OTUD7B: variants seen among roughly 807,000 people sequenced by gnomAD.
The protein encoded by OTUD7B is OTU deubiquitinase 7B.
In OTUD7B, 34 loss-of-function variants were observed where a neutral mutation model predicts 82.2. The observed-to-expected ratio is 0.41, with a 90% confidence interval of 0.31 to 0.55. The LOEUF (loss-of-function observed/expected upper bound fraction) is 0.55, where lower values mean the gene tolerates loss of function less well. Among genes scored for constraint, OTUD7B ranks in the 20% least tolerant of loss-of-function variants. OTUD7B has a pLI of 0.20. For synonymous variants in OTUD7B, 398 were observed against 402.7 expected (o/e 0.99, Z 0.14); for missense variants, 944 against 1,062.1 (o/e 0.89, Z 1.55).
intron 5 of OTUD7B, among the ~76,000 whole-genome samples, chr1:149,964,595 T>A (rs1280856525): frequency 6.6e-6 from 1 of 151,850 alleles, no homozygotes; most frequent in East Asian, 1.9e-4. Context: ...TTATGGGTTT[T>A]TTTGGTTGGT....
Position 149,938,782 on chromosome 1 carries a change from T to TAAA in OTUD7B, c.*5074_*5075insTTT, listed in dbSNP as rs2092743839. The TAAA allele has an allele frequency of 4.5e-4, 2 of 4,432 alleles. No individual in the cohort carries two copies. Among genetic ancestry groups the TAAA allele is most frequent in the African/African-American group, 1.6e-3 (2 of 1,222 alleles). 0.3% of individuals were successfully genotyped at this position (4,432 alleles called of 1,614,324 possible). A position where few individuals can be genotyped will look rare whatever the true frequency, so the allele number is the denominator to read the frequency against. ...CTAAAAAAAAAAAAAAAAAAAAAAA[T>TAAA]TAAGCCAGGCATGGTGGTAGGCTCC... On this transcript the variant is annotated 3_prime_UTR_variant, in exon 12 of 12. Coordinates refer to ENST00000581312, the MANE Select transcript of OTUD7B (RefSeq NM_020205.4).
rs1553771405 is a variant in OTUD7B at position 149,944,401 on chromosome 1, G to A, written c.1988C>T (p.Pro663Leu). ...MNGGIGGGPP[P>L]AKKPEPDARE... ...AGCATCTGGCTCTGGCTTTTTGGCTGGAGGAGGGCCACCCCCTATTCCTCC... is the reference window on the plus strand; with the variant it reads ...AGCATCTGGCTCTGGCTTTTTGGCTAGAGGAGGGCCACCCCCTATTCCTCC... Residue 663 changes from proline (P) to leucine (L), a missense_variant, in exon 12 of 12, where the codon CCA becomes CTA. This residue lies in a region of OTUD7B where 412 missense variants were observed against 418.7 expected (regional missense o/e 0.98). Coordinates refer to ENST00000581312, the MANE Select transcript of OTUD7B (RefSeq NM_020205.4). 2 of 1,613,926 alleles carry A rather than the reference G, an allele frequency of 1.2e-6. No individual in the cohort carries two copies. The highest frequency in any genetic ancestry group is 2.2e-5 in the East Asian group (1 of 44,892).
At chr1:149,958,191 C>T (rs1648853044) in intron 7 of OTUD7B, among the ~76,000 whole-genome samples, 1 of 152,150 alleles carries the variant, frequency 6.6e-6, no homozygotes, top group Non-Finnish European at 1.5e-5. Flanking sequence ...TACTACACCT[C>T]AGATCTATTT....
chr1:149,971,100 G>A lies in OTUD7B; in HGVS notation c.237C>T (p.Pro79=). The A allele has an allele frequency of 6.2e-7, 1 of 1,612,588 alleles. No individual in the cohort carries two copies. Among genetic ancestry groups the A allele is most frequent in the South Asian group, 1.1e-5 (1 of 90,944 alleles). ...CATCCTGCCGCTGGAGGATGGGTCG[G>A]GGAGGGCGAGTAGGCTCTCTGTCAG... ...GFSDREPTRP[P]RPILQRQDDI... Residue 79 remains proline (P), a synonymous_variant, in exon 3 of 12, where the codon CCC becomes CCT. Transcript: ENST00000581312.
intron 7 of OTUD7B, among the ~76,000 whole-genome samples, chr1:149,958,385 T>C (rs1412935229): frequency 1.6e-5 from 2 of 121,326 alleles, no homozygotes; most frequent in East Asian, 5.9e-4. Context: ...TGGAGTGCAG[T>C]GGCACGAACT....
chr1:149,973,881 G>A (rs1650104625), intron 2 of OTUD7B, among the ~76,000 whole-genome samples: 1 of 127,098 alleles, frequency 7.9e-6, no homozygotes, highest in Admixed American at 8.8e-5. Context: ...TTTTTGAGAT[G>A]GAGTCTCTTT....
chr1:149,947,292 A>G lies in OTUD7B; in HGVS notation c.1282T>C (p.Tyr428His). 6.2e-7 allele frequency: 1 copy of G among 1,611,490 alleles called. No homozygotes were observed. Among genetic ancestry groups the G allele is most frequent in the Non-Finnish European group, 8.5e-7 (1 of 1,177,714 alleles). The change falls in exon 11 of 12, where the codon TAC becomes CAC. Residue 428 changes from tyrosine to histidine, a missense_variant. Tyr to His is a moderately conservative substitution (Grantham distance 83). Around this residue, in one of 3 missense-constraint regions of OTUD7B, gnomAD observed 530 missense variants for 625.6 expected, o/e 0.85. Transcript: ENST00000581312. ...AGTGGGATCCACTTCACATTCATGT[A>G]GCTATGCAGCAGATGCAATTTGACC... ...LEVKLHLLHS[Y>H]MNVKWIPLSS... is the part of the protein sequence containing the mutation.
the OTUD7B span, among the ~76,000 whole-genome samples, chr1:150,020,665 A>G: frequency 6.6e-5 from 10 of 152,196 alleles, no homozygotes; most frequent in African/African-American, 2.2e-4. Flanking sequence ...GAGACTAGAG[A>G]CTATTAACAG....
chr1:150,025,630 C>G, the OTUD7B span, among the ~76,000 whole-genome samples: 8,570 of 152,234 alleles, frequency 0.056, 317 homozygotes, highest in Non-Finnish European at 0.088. Context: ...AGCCTCACAT[C>G]TTACAGTGCT....
rs1474457063 is a variant in OTUD7B at position 149,995,823 on chromosome 1, T to G, written c.-67+14625A>C. On this transcript the variant is annotated intron_variant, in intron 1 of 11. Transcript: ENST00000581312. Reference sequence around the variant, plus strand: ...GCACACGGTAATAGTGGCCGTAATCTAAAACAAGTCCTCTCTTAGATAGCA... The same window carrying G: ...GCACACGGTAATAGTGGCCGTAATCGAAAACAAGTCCTCTCTTAGATAGCA... 3.3e-5 allele frequency among the ~76,000 whole-genome samples: 5 copies of G among 152,144 alleles called. No homozygotes were observed. In the East Asian group the frequency reaches 9.6e-4, roughly 29 times the overall value.
At chr1:150,037,699 C>T in the OTUD7B span, among the ~76,000 whole-genome samples, 2 of 152,170 alleles carry the variant, frequency 1.3e-5, no homozygotes, top group Non-Finnish European at 2.9e-5. Flanking sequence ...AAGCGATTCT[C>T]ATGCCTCAGC....
At chr1:150,053,851 T>C in the OTUD7B span, 61,792 of 292,170 alleles carry the variant, frequency 0.21, 10,265 homozygotes, top group African/African-American at 0.56. Flanking sequence ...TCAGCTCTTT[T>C]CCATCTTACA....
chr1:150,054,446 G>T, the OTUD7B span: 1 of 527,382 alleles, frequency 1.9e-6, no homozygotes. Context: ...ATCTGTCATT[G>T]CCACCTCAGC....
Position 149,938,648 on chromosome 1 carries a change from A to C in OTUD7B, c.*5209T>G, listed in dbSNP as rs1309136513. The C allele has an allele frequency of 6.6e-6, 1 of 150,386 alleles. No individual in the cohort carries two copies. The highest frequency in any genetic ancestry group is 2.5e-5 in the African/African-American group (1 of 40,664). The allele number at this position is 150,386 out of a possible 1,614,324, so 9.3% of individuals were successfully genotyped here. On this transcript the variant is annotated 3_prime_UTR_variant, in exon 12 of 12. Transcript: ENST00000581312. ...TCGGGGGGTAGGGGTGTGGTGGCTC[A>C]TGCCTGTAATCCCAGCACTTTGGAA...
At chr1:150,037,147 A>C in the OTUD7B span, among the ~76,000 whole-genome samples, 3 of 152,174 alleles carry the variant, frequency 2.0e-5, no homozygotes, top group Non-Finnish European at 4.4e-5. Context: ...TCAGCATTCT[A>C]TCTAATGGAA....
intron 11 of OTUD7B, among the ~76,000 whole-genome samples, chr1:149,946,444 T>C (rs1647746775): frequency 6.6e-6 from 1 of 151,632 alleles, no homozygotes; most frequent in Non-Finnish European, 1.5e-5. Context: ...CTAACGGTTT[T>C]TAAAAAGCAG....
chr1:150,003,533 C>T (rs1571735763), intron 1 of OTUD7B, among the ~76,000 whole-genome samples: 10 of 152,158 alleles, frequency 6.6e-5, no homozygotes, highest in Admixed American at 5.2e-4. Flanking sequence ...AGAACTGACC[C>T]TTGGGCTCCC....
the OTUD7B span, among the ~76,000 whole-genome samples, chr1:150,040,220 G>T: frequency 7.9e-3 from 1,208 of 152,276 alleles, 36 homozygotes; most frequent in Admixed American, 0.067. Context: ...TTAGAAAGAT[G>T]ATCTCTTTTA....
chr1:150,053,163 G>A, the OTUD7B span, among the ~76,000 whole-genome samples: 4 of 152,028 alleles, frequency 2.6e-5, no homozygotes, highest in African/African-American at 4.8e-5. Flanking sequence ...AAAAGCAATC[G>A]CAAAAAATTG....
Sources: allele counts gnomAD v4.1 joint callset (sites outside exome capture counted in the v4.1 genomes callset), GRCh38; gene constraint gnomAD v4.1.1; regional missense constraint gnomAD v4.1.1; transcripts MANE v1.5; gene names NCBI Gene and HGNC (gene_info 2026-07-23, HGNC 2026-07-21).